The following CEP83 variants were observed in gnomAD, a reference collection of about 807,000 sequenced individuals.
CEP83 encodes the protein centrosomal protein 83, also known as centrosomal protein of 83 kDa.
CEP83 carries 70 observed loss-of-function variants against 101.9 expected under a neutral mutation model. The observed-to-expected ratio is 0.69, with a 90% CI of 0.57 to 0.84. The LOEUF is 0.84. Among genes scored for constraint, CEP83 ranks in the 40% least tolerant of loss-of-function variants. CEP83 has a pLI of 0.00. For missense variants in CEP83, 715 were observed against 787.2 expected, an observed-to-expected ratio of 0.91 and a Z score of 1.10; for synonymous variants, 264 against 267.9, an observed-to-expected ratio of 0.99 and a Z score of 0.14.
intron 6 of CEP83, among the ~76,000 whole-genome samples, chr12:94,392,498 A>T (rs1246739808): frequency 1.3e-5 from 2 of 152,256 alleles, no homozygotes; most frequent in Non-Finnish European, 2.9e-5. Context: ...CAGTGTGTAA[A>T]GGGAAATTTA....
chr12:94,312,894 T>C lies in CEP83; in HGVS notation c.1811+20A>G. The C allele has an allele frequency of 7.4e-7, 1 of 1,350,822 alleles. No homozygotes were observed. The highest frequency in any genetic ancestry group is 1.0e-6 in the Non-Finnish European group (1 of 964,768). 83.7% of individuals were successfully genotyped at this position (1,350,822 alleles called of 1,614,324 possible). Reference sequence around the variant, plus strand: ...CATCAAAATAACCACATGGGGAAGATACACATACAAACACATTACCTATTT... The same window carrying C: ...CATCAAAATAACCACATGGGGAAGACACACATACAAACACATTACCTATTT... On this transcript the variant is annotated intron_variant, in intron 15 of 16. Coordinates refer to ENST00000397809, the MANE Select transcript of CEP83 (RefSeq NM_016122.3).
chr12:94,382,410 G>C (rs1290839647), intron 6 of CEP83, among the ~76,000 whole-genome samples: 2 of 150,576 alleles, frequency 1.3e-5, no homozygotes, highest in Non-Finnish European at 3.0e-5. Flanking sequence ...CTTTTTCTAG[G>C]TTCTTGAGGT....
chr12:94,279,742 A>C, the CEP83 span: 420 of 1,088,808 alleles, frequency 3.9e-4, 4 homozygotes, highest in African/African-American at 6.5e-3. Context: ...TGCCCCCACC[A>C]GCTTCCATTC....
chr12:94,372,630 T>C (rs907738220), intron 8 of CEP83, among the ~76,000 whole-genome samples: 11 of 152,154 alleles, frequency 7.2e-5, no homozygotes, highest in African/African-American at 2.7e-4. Context: ...CATCTCATGG[T>C]AAAAGATCTA....
At chr12:94,318,533 A>G (rs1366536013) in intron 14 of CEP83, among the ~76,000 whole-genome samples, 4 of 152,172 alleles carry the variant, frequency 2.6e-5, no homozygotes, top group Non-Finnish European at 5.9e-5. Context: ...CCCATTCAGT[A>G]TGATGTTAGC....
chr12:94,314,505 A>T (rs976211294), intron 14 of CEP83, among the ~76,000 whole-genome samples: 4 of 152,196 alleles, frequency 2.6e-5, no homozygotes, highest in African/African-American at 9.7e-5. Flanking sequence ...ATTTCACTCA[A>T]CATTGTTAGT....
the CEP83 span, among the ~76,000 whole-genome samples, chr12:94,289,235 A>G: frequency 2.0e-5 from 3 of 152,178 alleles, no homozygotes; most frequent in African/African-American, 7.2e-5. Context: ...AGTTGTTGAT[A>G]TGGGTCTTTT....
chr12:94,438,126 C>T (rs925670306), intron 1 of CEP83, among the ~76,000 whole-genome samples: 30 of 151,418 alleles, frequency 2.0e-4, no homozygotes, highest in African/African-American at 5.8e-4. Flanking sequence ...GGCAGAGGCA[C>T]GAGAATCGCT....
the CEP83 span, chr12:94,301,157 C>A: frequency 1.0e-6 from 1 of 953,182 alleles, no homozygotes; most frequent in Admixed American, 2.4e-5. Context: ...GTCTAAACTA[C>A]ACCAGCTAAA....
chr12:94,364,855 G>C (rs1204517434), intron 11 of CEP83, among the ~76,000 whole-genome samples: 1 of 152,036 alleles, frequency 6.6e-6, no homozygotes, highest in Non-Finnish European at 1.5e-5. Context: ...ATACCTCACA[G>C]CATACAAAAG....
chr12:94,357,544 C>T (rs1163090764), intron 11 of CEP83, among the ~76,000 whole-genome samples: 3 of 152,136 alleles, frequency 2.0e-5, no homozygotes, highest in Non-Finnish European at 4.4e-5. Context: ...TGTTCTAAAC[C>T]GGGGCATTTC....
At chr12:94,327,773 C>G (rs2059032833) in intron 14 of CEP83, among the ~76,000 whole-genome samples, 1 of 152,142 alleles carries the variant, frequency 6.6e-6, no homozygotes, top group Non-Finnish European at 1.5e-5. Context: ...ATTCCAAGCC[C>G]CAATTCTAGA....
At chr12:94,316,452 T>A (rs1000879647) in intron 14 of CEP83, among the ~76,000 whole-genome samples, 1 of 152,178 alleles carries the variant, frequency 6.6e-6, no homozygotes, top group Non-Finnish European at 1.5e-5. Flanking sequence ...TTCTTTATTC[T>A]TAAAACTTTT....
At chr12:94,451,074 G>T (rs1393570306) in intron 1 of CEP83, among the ~76,000 whole-genome samples, 1 of 152,148 alleles carries the variant, frequency 6.6e-6, no homozygotes, top group Non-Finnish European at 1.5e-5. Context: ...GAAGGGAAAA[G>T]AACAGTCTTT....
intron 12 of CEP83, among the ~76,000 whole-genome samples, chr12:94,335,062 C>A (rs1394375294): frequency 2.0e-5 from 3 of 151,936 alleles, no homozygotes; most frequent in Non-Finnish European, 4.4e-5. Flanking sequence ...AAAACAACAA[C>A]AAAAAAGAAA....
At chr12:94,371,228 A>C (rs1312500310) in intron 8 of CEP83, among the ~76,000 whole-genome samples, 4 of 152,230 alleles carry the variant, frequency 2.6e-5, no homozygotes, top group Non-Finnish European at 5.9e-5. Context: ...TGAAGGTGGC[A>C]CAATTAACTA....
intron 11 of CEP83, among the ~76,000 whole-genome samples, chr12:94,360,798 T>A (rs2060715631): frequency 6.6e-6 from 1 of 151,996 alleles, no homozygotes; most frequent in South Asian, 2.1e-4. Context: ...GTCAAAGCAA[T>A]CCTGTGTAAA....
the CEP83 span, among the ~76,000 whole-genome samples, chr12:94,283,841 C>T: frequency 6.6e-6 from 1 of 152,042 alleles, no homozygotes; most frequent in African/African-American, 2.4e-5. Flanking sequence ...CCCAGCACTT[C>T]GGGAGGCTGA....
chr12:94,414,621 A>G (rs942477035), intron 2 of CEP83, among the ~76,000 whole-genome samples: 1 of 152,244 alleles, frequency 6.6e-6, no homozygotes, highest in Non-Finnish European at 1.5e-5. Context: ...TTTTCCATGC[A>G]CTGAGAAACC....
Sources: gnomAD v4.1 joint callset for allele counts (sites outside exome capture counted in the v4.1 genomes callset) on GRCh38, gnomAD v4.1.1 for gene constraint, MANE v1.5 for transcripts, NCBI Gene and HGNC (gene_info 2026-07-23, HGNC 2026-07-21) for gene names.